The following PPP2R2B variants were observed in gnomAD, a reference collection of about 807,000 sequenced individuals.
PPP2R2B encodes serine/threonine-protein phosphatase 2A 55 kDa regulatory subunit B beta isoform.
Under a neutral mutation model 46.0 loss-of-function variants are expected in PPP2R2B, and 5 were observed. The ratio of observed to expected loss-of-function variants is 0.11; its 90% CI spans 0.06 to 0.23. The LOEUF is 0.23. Among genes scored for constraint, PPP2R2B ranks in the 10% least tolerant of loss-of-function variants. The probability of loss-of-function intolerance (pLI) is 1.00; values close to 1 mark genes in which losing one functional copy is unlikely to be tolerated. For synonymous variants in PPP2R2B, 215 were observed against 206.7 expected (o/e 1.04, Z -0.34); for missense variants, 367 against 575.0 (o/e 0.64, Z 3.70).
rs137906525 is a variant in PPP2R2B, at chr5:147,051,628, G to A, written c.79+4037C>T. ...CCTTGTCCCTTTAGGAAAAGAAAGC[G>A]TCCCTACTGATTTCTTAGATAACAA... On this transcript the variant is annotated intron_variant, in intron 1 of 8. Coordinates refer to the PPP2R2B transcript ENST00000336640. Among the ~76,000 whole-genome samples the A allele has an allele frequency of 1.7e-3, 252 of 152,064 alleles. 1 individual carries two copies. The highest frequency in any genetic ancestry group is 1.4e-3 in the Non-Finnish European group (97 of 68,000).
At chr5:147,070,773 C>A (rs1486139029) in intron 2 of PPP2R2B, among the ~76,000 whole-genome samples, 1 of 152,126 alleles carries the variant, frequency 6.6e-6, no homozygotes, top group African/African-American at 2.4e-5. Context: ...TTCCTTGCTG[C>A]AAAGCCGAGA....
chr5:146,698,179 A>G (rs767538674), intron 3 of PPP2R2B, 35 bp from the exon 4 acceptor site: 1 of 1,529,350 alleles, frequency 6.5e-7, no homozygotes, highest in Non-Finnish European at 8.8e-7. Flanking sequence ...AACAGATTAA[A>G]TCACAGTAGC....
intron 2 of PPP2R2B, among the ~76,000 whole-genome samples, chr5:146,812,809 A>ATATG (rs1757690092): frequency 1.6e-5 from 1 of 62,494 alleles, no homozygotes; most frequent in Non-Finnish European, 3.0e-5. Context: ...ATATATATAT[A>ATATG]TATATATATA....
chr5:147,059,845 G>GGGGCCAAT (rs2151906988), upstream of PPP2R2B, among the ~76,000 whole-genome samples: 1 of 152,280 alleles, frequency 6.6e-6, no homozygotes, highest in Non-Finnish European at 1.5e-5. Flanking sequence ...CCCCTGCCTT[G>GGGGCCAAT]GGGCCAATAG....
intron 2 of PPP2R2B, among the ~76,000 whole-genome samples, chr5:147,079,454 A>ATATATACATATATATATATT (rs1757905989): frequency 6.9e-6 from 1 of 144,202 alleles, no homozygotes; most frequent in Non-Finnish European, 1.5e-5. Context: ...ACATATATAT[A>ATATATACATATATATATATT]TATATATATA....
chr5:146,793,874 T>C (rs976877010), intron 2 of PPP2R2B, among the ~76,000 whole-genome samples: 3 of 152,196 alleles, frequency 2.0e-5, no homozygotes, highest in East Asian at 3.8e-4. Context: ...GGCTGAGGTA[T>C]CTAAACACAG....
chr5:146,904,460 G>A (rs1166950319), intron 1 of PPP2R2B, among the ~76,000 whole-genome samples: 1 of 152,188 alleles, frequency 6.6e-6, no homozygotes, highest in African/African-American at 2.4e-5. Context: ...TCCTGGGGTA[G>A]GAGGTAACTA....
chr5:146,824,222 C>T (rs2151337670), intron 2 of PPP2R2B, among the ~76,000 whole-genome samples: 1 of 152,290 alleles, frequency 6.6e-6, no homozygotes, highest in East Asian at 1.9e-4. Flanking sequence ...ATTCCAAAAG[C>T]CTAGAACATA....
intron 4 of PPP2R2B, among the ~76,000 whole-genome samples, chr5:146,694,097 A>AAT (rs1779038783): frequency 6.6e-6 from 1 of 152,120 alleles, no homozygotes; most frequent in East Asian, 1.9e-4. Context: ...GCCAGAAACA[A>AAT]ATGCCTTGTT....
intron 9 of PPP2R2B, among the ~76,000 whole-genome samples, chr5:146,591,439 G>A (rs1398187019): frequency 2.0e-5 from 3 of 152,146 alleles, no homozygotes; most frequent in South Asian, 2.1e-4. Context: ...GGCGCTGAGG[G>A]CTTTGCCTCC....
intron 2 of PPP2R2B, among the ~76,000 whole-genome samples, chr5:146,797,693 G>C (rs1756625556): frequency 1.3e-5 from 2 of 152,190 alleles, no homozygotes; most frequent in Non-Finnish European, 2.9e-5. Context: ...TAACTGTCTG[G>C]TGAGCTCCAA....
chr5:146,814,332 A>G (rs1757805129), intron 2 of PPP2R2B, among the ~76,000 whole-genome samples: 1 of 152,084 alleles, frequency 6.6e-6, no homozygotes, highest in African/African-American at 2.4e-5. Flanking sequence ...TCCAAAGATG[A>G]CAGGTCCTTA....
chr5:147,047,118 G>A lies in PPP2R2B; in HGVS notation c.79+8547C>T, dbSNP rs572294086. On this transcript the variant is annotated intron_variant, in intron 1 of 8. Transcript: ENST00000336640. ...AGATGACCCTGAACTGCAGGCCCAG[G>A]GTTCTTCCTATCACCATGTTGTATC... Among the ~76,000 whole-genome samples, 6 of 152,158 alleles carry A rather than the reference G, an allele frequency of 3.9e-5. No individual in the cohort carries two copies. The East Asian group carries it at 1.2e-3, about 30-fold the overall frequency.
At position 146,912,552 on chromosome 5, in the gene PPP2R2B, C is replaced by T. The variant is rs190604092; in HGVS notation, c.79+143113G>A. On this transcript the variant is annotated intron_variant, in intron 1 of 8. Transcript: ENST00000336640. Reference sequence around the variant, plus strand: ...TTTTTGAGACAGAGTCTCCCTCTGTCGCCCAGGCTGGAGTGCAGTGGCACG... The same window carrying T: ...TTTTTGAGACAGAGTCTCCCTCTGTTGCCCAGGCTGGAGTGCAGTGGCACG... 1.7e-3 allele frequency among the ~76,000 whole-genome samples: 257 copies of T among 150,438 alleles called. 1 individual carries two copies. The highest frequency in any genetic ancestry group is 6.0e-3 in the African/African-American group (245 of 41,118).
intron 1 of PPP2R2B, among the ~76,000 whole-genome samples, chr5:146,956,322 A>T (rs908629215): frequency 6.6e-6 from 1 of 152,112 alleles, no homozygotes; most frequent in Non-Finnish European, 1.5e-5. Flanking sequence ...ACTTTGCCTG[A>T]ATTCTTGACT....
At chr5:146,891,640 G>T (rs2151428747) in intron 1 of PPP2R2B, among the ~76,000 whole-genome samples, 1 of 152,228 alleles carries the variant, frequency 6.6e-6, no homozygotes, top group East Asian at 1.9e-4. Flanking sequence ...CTTTCTAGTT[G>T]CTTGTAAGGA....
chr5:146,686,481 A>G (rs995616391), intron 5 of PPP2R2B, among the ~76,000 whole-genome samples: 2 of 152,186 alleles, frequency 1.3e-5, no homozygotes, highest in African/African-American at 4.8e-5. Flanking sequence ...TAACCGAGAG[A>G]GATATTATGA....
chr5:146,942,819 ATGGAGTCTCACTC>A (rs1318011634), intron 1 of PPP2R2B, among the ~76,000 whole-genome samples: 1 of 148,388 alleles, frequency 6.7e-6, no homozygotes, highest in African/African-American at 2.5e-5. Context: ...TTTTTTTGAG[ATGGAGTCTCACTC>A]TGTCACCCAG....
intron 2 of PPP2R2B, among the ~76,000 whole-genome samples, chr5:146,866,986 T>C (rs1275908736): frequency 2.0e-5 from 3 of 152,216 alleles, no homozygotes; most frequent in Non-Finnish European, 4.4e-5. Context: ...TTGAGTTGCA[T>C]GTTTACTGAG....
Sources: allele counts gnomAD v4.1 joint callset (sites outside exome capture counted in the v4.1 genomes callset), GRCh38; gene constraint gnomAD v4.1.1; transcripts MANE v1.5; gene names NCBI Gene and HGNC (gene_info 2026-07-23, HGNC 2026-07-21).